Variants in GPC5 observed in about 807,000 individuals in gnomAD.
The protein encoded by GPC5 is glypican-5.
In GPC5, 47 loss-of-function variants were observed where a neutral mutation model predicts 53.9. The observed-to-expected ratio is 0.87, with a 90% CI of 0.69 to 1.11. The LOEUF (loss-of-function observed/expected upper bound fraction) is 1.11, where lower values mean the gene tolerates loss of function less well. Among genes scored for constraint, GPC5 ranks in the 50% most tolerant of loss-of-function variants. GPC5 has a pLI of 0.00. For missense variants in GPC5, 748 were observed against 713.1 expected, an observed-to-expected ratio of 1.05 and a Z score of -0.56; for synonymous variants, 286 against 263.3, an observed-to-expected ratio of 1.09 and a Z score of -0.84.
At chr13:92,272,039 C>A (rs2042843307) in intron 7 of GPC5, among the ~76,000 whole-genome samples, 1 of 152,178 alleles carries the variant, frequency 6.6e-6, no homozygotes, top group Non-Finnish European at 1.5e-5. Context: ...TACATCCTTT[C>A]CATTCTGATT....
chr13:92,802,562 T>C (rs1050967609), intron 7 of GPC5, among the ~76,000 whole-genome samples: 1 of 151,990 alleles, frequency 6.6e-6, no homozygotes, highest in African/African-American at 2.4e-5. Context: ...TGTCCAACAA[T>C]GATAGACTGG....
At chr13:92,039,817 T>C (rs1347408848) in intron 6 of GPC5, among the ~76,000 whole-genome samples, 1 of 152,212 alleles carries the variant, frequency 6.6e-6, no homozygotes, top group Non-Finnish European at 1.5e-5. Context: ...ATCAGTCATA[T>C]TGGATTAAGG....
intron 7 of GPC5, among the ~76,000 whole-genome samples, chr13:92,628,245 T>C (rs1458146819): frequency 2.8e-5 from 4 of 141,308 alleles, no homozygotes; most frequent in Non-Finnish European, 6.1e-5. Context: ...CCTATTTTCT[T>C]TTCTTTTTCT....
chr13:92,785,949 T>C (rs1299636598), intron 7 of GPC5, among the ~76,000 whole-genome samples: 1 of 152,212 alleles, frequency 6.6e-6, no homozygotes, highest in Non-Finnish European at 1.5e-5. Flanking sequence ...AAGTTACACG[T>C]AAATATTAGC....
intron 7 of GPC5, among the ~76,000 whole-genome samples, chr13:92,523,183 C>G (rs1296268383): frequency 2.6e-5 from 4 of 152,090 alleles, no homozygotes; most frequent in Non-Finnish European, 4.4e-5. Context: ...ATGAAAATCT[C>G]TTGTACTCAG....
intron 7 of GPC5, among the ~76,000 whole-genome samples, chr13:92,787,471 T>G (rs575640116): frequency 6.6e-6 from 1 of 151,852 alleles, no homozygotes; most frequent in South Asian, 2.1e-4. Context: ...TAAACTTACT[T>G]CGTTTCAGTC....
At chr13:92,364,734 A>G (rs1453850309) in intron 7 of GPC5, among the ~76,000 whole-genome samples, 4 of 151,864 alleles carry the variant, frequency 2.6e-5, no homozygotes, top group African/African-American at 9.7e-5. Context: ...TCCGTCTCAA[A>G]CAAAAATAAT....
chr13:92,186,619 G>A (rs137918824), intron 7 of GPC5, among the ~76,000 whole-genome samples: 1 of 152,210 alleles, frequency 6.6e-6, no homozygotes, highest in African/African-American at 2.4e-5. Flanking sequence ...TAAATGAGAA[G>A]TATTTTCCAG....
At chr13:92,031,807 A>T (rs867864268) in intron 6 of GPC5, among the ~76,000 whole-genome samples, 1 of 104,272 alleles carries the variant, frequency 9.6e-6, no homozygotes, top group African/African-American at 4.1e-5. Context: ...TATAATATAT[A>T]ATATATTACA....
intron 5 of GPC5, among the ~76,000 whole-genome samples, chr13:91,759,833 G>A (rs776489690): frequency 1.3e-5 from 2 of 151,908 alleles, no homozygotes; most frequent in Non-Finnish European, 2.9e-5. Context: ...TGCTACTGTG[G>A]AATGATGTCA....
At chr13:92,659,627 A>G (rs1439874035) in intron 7 of GPC5, among the ~76,000 whole-genome samples, 1 of 152,178 alleles carries the variant, frequency 6.6e-6, no homozygotes, top group African/African-American at 2.4e-5. Flanking sequence ...AATGTATAAG[A>G]CATTGGAGGG....
chr13:92,203,604 A>T (rs2042310795), intron 7 of GPC5, among the ~76,000 whole-genome samples: 1 of 144,502 alleles, frequency 6.9e-6, no homozygotes, highest in African/African-American at 2.5e-5. Context: ...AACCTGCACA[A>T]TGTGCACATG....
chr13:91,864,820 A>G (rs1296602784), intron 5 of GPC5, among the ~76,000 whole-genome samples: 1 of 152,152 alleles, frequency 6.6e-6, no homozygotes, highest in Non-Finnish European at 1.5e-5. Flanking sequence ...TGAATGTTCA[A>G]TTTTGGGATC....
At chr13:92,355,694 C>T (rs919217253) in intron 7 of GPC5, among the ~76,000 whole-genome samples, 4 of 152,002 alleles carry the variant, frequency 2.6e-5, no homozygotes, top group Non-Finnish European at 5.9e-5. Flanking sequence ...TATTTCTTGT[C>T]CCCCATTAAC....
intron 7 of GPC5, among the ~76,000 whole-genome samples, chr13:92,798,483 T>C (rs1345942866): frequency 6.6e-6 from 1 of 151,914 alleles, no homozygotes; most frequent in East Asian, 1.9e-4. Context: ...ATTTTTAGAA[T>C]ATTTGAGAAA....
intron 7 of GPC5, among the ~76,000 whole-genome samples, chr13:92,649,077 C>T (rs1885864519): frequency 6.6e-6 from 1 of 152,040 alleles, no homozygotes; most frequent in South Asian, 2.1e-4. Context: ...TAACAATATC[C>T]AGAAAATGCA....
At chr13:91,578,910 G>T (rs556233063) in intron 2 of GPC5, among the ~76,000 whole-genome samples, 2 of 151,914 alleles carry the variant, frequency 1.3e-5, no homozygotes, top group Non-Finnish European at 2.9e-5. Flanking sequence ...AGCTGGGAGT[G>T]GTGGCATGTG....
At chr13:91,602,485 T>C (rs1594316161) in intron 2 of GPC5, among the ~76,000 whole-genome samples, 1 of 152,370 alleles carries the variant, frequency 6.6e-6, no homozygotes, top group Non-Finnish European at 1.5e-5. Context: ...TATTTATTTA[T>C]ATTGTAATAG....
At chr13:92,163,787 A>G (rs2042007935) in intron 7 of GPC5, among the ~76,000 whole-genome samples, 1 of 152,200 alleles carries the variant, frequency 6.6e-6, no homozygotes, top group Admixed American at 6.5e-5. Flanking sequence ...AAATATGAAA[A>G]TTGAATTTTG....
Sources: gnomAD v4.1 joint callset for allele counts (sites outside exome capture counted in the v4.1 genomes callset) on GRCh38, gnomAD v4.1.1 for gene constraint, MANE v1.5 for transcripts, NCBI Gene and HGNC (gene_info 2026-07-23, HGNC 2026-07-21) for gene names.